SGIP1: variants seen among roughly 807,000 people sequenced by gnomAD.
SGIP1 encodes the protein SH3-containing GRB2-like protein 3-interacting protein 1.
Under a neutral mutation model 107.5 loss-of-function variants are expected in SGIP1, and 38 were observed. That is an observed-to-expected ratio of 0.35 (90% CI 0.27 to 0.46). The LOEUF (loss-of-function observed/expected upper bound fraction) is 0.46. SGIP1 is among the 20% of genes least tolerant of loss of function. The pLI is 1.00. For synonymous variants in SGIP1, 365 were observed against 366.1 expected, an observed-to-expected ratio of 1.00 and a Z score of 0.03; for missense variants, 929 against 1,019.5, an observed-to-expected ratio of 0.91 and a Z score of 1.21.
At chr1:66,677,665 T>A (rs760274145) in intron 13 of SGIP1, among the ~76,000 whole-genome samples, 3 of 152,138 alleles carry the variant, frequency 2.0e-5, no homozygotes, top group Non-Finnish European at 4.4e-5. Flanking sequence ...GGAAAGGAGG[T>A]CCTGAAGATC....
intron 7 of SGIP1, among the ~76,000 whole-genome samples, chr1:66,653,095 C>G (rs1386062047): frequency 2.0e-5 from 3 of 152,160 alleles, no homozygotes; most frequent in Admixed American, 2.0e-4. Flanking sequence ...CTAGACAGAC[C>G]TGCAGGCAGC....
In SGIP1 at chr1:66,689,292, C is replaced by T. The variant is rs1203640734; in HGVS notation, c.1443+17C>T. On this transcript the variant is annotated intron_variant, in intron 16 of 24. Transcript: ENST00000371037. ...GGAGATGTGGTATGTTCCCTTCTGC[C>T]CTGGCTTGCTCAGAAACAGTGAGAA... The T allele has an allele frequency of 1.2e-6, 2 of 1,610,578 alleles. No homozygotes were observed. The highest frequency in any genetic ancestry group is 3.4e-5 in the Admixed American group (2 of 59,638).
At chr1:66,590,632 T>C (rs569635326) in intron 1 of SGIP1, 1 of 152,238 alleles carries the variant, frequency 6.6e-6, no homozygotes, top group South Asian at 2.1e-4. Context: ...CCGATACATC[T>C]AGATCGTAGG....
intron 1 of SGIP1, among the ~76,000 whole-genome samples, chr1:66,559,928 A>G (rs775448121): frequency 8.5e-5 from 13 of 152,076 alleles, no homozygotes; most frequent in Non-Finnish European, 1.6e-4. Context: ...AGAGGAATGA[A>G]TATCTGAAAT....
intron 15 of SGIP1, chr1:66,684,334 T>C: frequency 8.1e-7 from 1 of 1,228,544 alleles, no homozygotes; most frequent in South Asian, 1.5e-5. Context: ...AAAAGTCTTC[T>C]CTCAAAATGT....
At chr1:66,680,550 A>C (rs1300314505) in intron 14 of SGIP1, among the ~76,000 whole-genome samples, 1 of 152,204 alleles carries the variant, frequency 6.6e-6, no homozygotes, top group African/African-American at 2.4e-5. Context: ...CAAAAGCAAA[A>C]GCACGATGTA....
chr1:66,608,050 C>A (rs765647194), intron 1 of SGIP1, among the ~76,000 whole-genome samples: 1 of 152,150 alleles, frequency 6.6e-6, no homozygotes, highest in African/African-American at 2.4e-5. Context: ...ATCCAGACAG[C>A]GTGAAAATGG....
intron 3 of SGIP1, among the ~76,000 whole-genome samples, chr1:66,633,712 G>C (rs2075256662): frequency 1.3e-5 from 2 of 152,046 alleles, no homozygotes. Context: ...TATCCGAGTT[G>C]TGCTTACGGG....
chr1:66,694,580 A>T (rs1218877510), intron 17 of SGIP1: 1 of 1,191,994 alleles, frequency 8.4e-7, no homozygotes, highest in Non-Finnish European at 1.1e-6. Context: ...AATGCTATAA[A>T]CTTCATGGAC....
intron 1 of SGIP1, among the ~76,000 whole-genome samples, chr1:66,552,493 C>T (rs1362345686): frequency 6.6e-6 from 1 of 152,078 alleles, no homozygotes; most frequent in African/African-American, 2.4e-5. Flanking sequence ...GTTCTGTGGT[C>T]TCTGCCTTTG....
At chr1:66,563,996 A>G (rs2059321756) in intron 1 of SGIP1, among the ~76,000 whole-genome samples, 1 of 152,028 alleles carries the variant, frequency 6.6e-6, no homozygotes, top group African/African-American at 2.4e-5. Context: ...GACTGTAAGC[A>G]ATCATATAGT....
intron 3 of SGIP1, among the ~76,000 whole-genome samples, chr1:66,633,359 G>A (rs188476110): frequency 5.9e-5 from 9 of 152,264 alleles, no homozygotes; most frequent in African/African-American, 7.2e-5. Context: ...GACAGTTCAC[G>A]CAGGGGCTGC....
intron 9 of SGIP1, among the ~76,000 whole-genome samples, chr1:66,667,906 T>TA (rs1451129932): frequency 6.6e-6 from 1 of 152,092 alleles, no homozygotes; most frequent in Non-Finnish European, 1.5e-5. Flanking sequence ...TAAAGAATAA[T>TA]AAAATGAATA....
intron 21 of SGIP1, among the ~76,000 whole-genome samples, chr1:66,734,347 T>C (rs2094139892): frequency 6.6e-6 from 1 of 152,112 alleles, no homozygotes; most frequent in African/African-American, 2.4e-5. Flanking sequence ...AAGGAATGTT[T>C]GATACTTACA....
chr1:66,713,852 A>G (rs1437752064), intron 18 of SGIP1, among the ~76,000 whole-genome samples: 1 of 152,160 alleles, frequency 6.6e-6, no homozygotes, highest in African/African-American at 2.4e-5. Flanking sequence ...CACCAAAATC[A>G]ATATAATAGC....
intron 14 of SGIP1, among the ~76,000 whole-genome samples, chr1:66,680,793 A>G (rs916963658): frequency 6.6e-6 from 1 of 152,386 alleles, no homozygotes; most frequent in African/African-American, 2.4e-5. Flanking sequence ...AGCTAGAAAT[A>G]TAGAAATACT....
chr1:66,630,941 AAGAG>A (rs1307319518), intron 2 of SGIP1, among the ~76,000 whole-genome samples: 3 of 105,830 alleles, frequency 2.8e-5, no homozygotes, highest in African/African-American at 3.9e-5. Context: ...GAAGGAAAGA[AAGAG>A]AGAAAGAAAG....
At chr1:66,736,312 A>G (rs1432523979) in intron 21 of SGIP1, among the ~76,000 whole-genome samples, 1 of 147,296 alleles carries the variant, frequency 6.8e-6, no homozygotes, top group Non-Finnish European at 1.5e-5. Context: ...ATGCAAATAT[A>G]TAAATATGAT....
intron 19 of SGIP1, among the ~76,000 whole-genome samples, chr1:66,725,879 TG>T (rs1212375826): frequency 6.6e-6 from 1 of 152,222 alleles, no homozygotes; most frequent in African/African-American, 2.4e-5. Flanking sequence ...CTAAGGTTGA[TG>T]GGTGCTGCCG....
Sources: allele counts gnomAD v4.1 joint callset (sites outside exome capture counted in the v4.1 genomes callset), GRCh38; gene constraint gnomAD v4.1.1; transcripts MANE v1.5; gene names NCBI Gene and HGNC (gene_info 2026-07-23, HGNC 2026-07-21).